The following PTGER2 variants were observed in gnomAD, a reference collection of about 807,000 sequenced individuals.
PTGER2 encodes prostaglandin E receptor 2, also known as prostaglandin E2 receptor EP2 subtype.
Under a neutral mutation model 26.2 loss-of-function variants are expected in PTGER2, and 22 were observed. That is an observed-to-expected ratio of 0.84 (90% CI 0.60 to 1.20). The LOEUF is 1.20. PTGER2 is among the 50% of genes most tolerant of loss of function. The pLI, the probability that PTGER2 is intolerant of heterozygous loss-of-function variation, is 0.00. For missense variants in PTGER2, 458 were observed against 475.2 expected (o/e 0.96, Z 0.34); for synonymous variants, 219 against 208.9 (o/e 1.05, Z -0.42).
chr14:52,315,663 A>G (rs2033833778), intron 1 of PTGER2, among the ~76,000 whole-genome samples: 2 of 151,542 alleles, frequency 1.3e-5, no homozygotes, highest in African/African-American at 2.4e-5. Flanking sequence ...AAGCTAGCCA[A>G]TCTCCTCATC....
rs2033974103 is a variant in PTGER2, at chr14:52,328,431, TTA to T, written c.*981_*982del. On this transcript the variant is annotated 3_prime_UTR_variant, in exon 2 of 2. Transcript: ENST00000245457. ...TTTAGGGAACATGGTTTGACTCATC[TTA>T]TATGGGAAACCATGTAGCAGTGAGT... 2 of 152,670 alleles carry T rather than the reference TTA, an allele frequency of 1.3e-5. No individual in the cohort carries two copies. Among genetic ancestry groups the T allele is most frequent in the Admixed American group, 1.3e-4 (2 of 15,290 alleles). 9.5% of individuals were successfully genotyped at this position (152,670 alleles called of 1,614,324 possible).
Position 52,314,621 on chromosome 14 carries a change from C to G in PTGER2, c.73C>G (p.Pro25Ala). The change falls in exon 1 of 2, where the codon CCA (proline) becomes GCA (alanine). Residue 25 changes from proline (P) to alanine (A), a missense_variant. Coordinates refer to ENST00000245457, the MANE Select transcript of PTGER2 (RefSeq NM_000956.4). This position sits in a 1 kb window ranked among gnomAD's most constrained non-coding sequence, Gnocchi z 5.7. ...ACAGTGGCTTCCCCCAGGCGAAAGC[C>G]CAGCCATCAGCTCCGTCATGTTCTC... Reference protein sequence around the residue: ...TRQWLPPGESPAISSVMFSAG... With the variant: ...TRQWLPPGESAAISSVMFSAG... 6.6e-7 allele frequency: 1 copy of G among 1,511,218 alleles called. No homozygotes were observed. The highest frequency in any genetic ancestry group is 8.9e-7 in the Non-Finnish European group (1 of 1,129,454). The allele number at this position is 1,511,218 out of a possible 1,614,324, so 93.6% of individuals were successfully genotyped here.
chr14:52,325,937 C>T (rs991660822), intron 1 of PTGER2, among the ~76,000 whole-genome samples: 2 of 152,212 alleles, frequency 1.3e-5, no homozygotes, highest in African/African-American at 4.8e-5. Flanking sequence ...GCTGCTCCTT[C>T]TTCTGCAGAA....
intron 1 of PTGER2, among the ~76,000 whole-genome samples, chr14:52,325,115 G>C (rs1026729335): frequency 3.9e-5 from 6 of 151,924 alleles, no homozygotes; most frequent in African/African-American, 1.5e-4. Context: ...CTCTATCCTG[G>C]GCGACAGAGT....
intron 1 of PTGER2, among the ~76,000 whole-genome samples, chr14:52,318,044 T>C (rs2140035742): frequency 6.6e-6 from 1 of 152,348 alleles, no homozygotes; most frequent in South Asian, 2.1e-4. Context: ...AAATTCAAGC[T>C]CATGGCTACT....
Position 52,314,987 on chromosome 14 carries a change from C to G in PTGER2, c.439C>G (p.Arg147Gly). 1 of 1,613,434 alleles carries G rather than the reference C, an allele frequency of 6.2e-7. No individual in the cohort carries two copies. The highest frequency in any genetic ancestry group is 1.6e-4 in the Middle Eastern group (1 of 6,062). ...CGGGCACCCCTACTTCTACCAGCGC[C>G]GCGTCTCGCGCTCCGGGGGCCTGGC... ...SIGHPYFYQR[R>G]VSRSGGLAVL... is the part of the protein sequence containing the mutation. The change falls in exon 1 of 2, where the codon CGC becomes GGC. Residue 147 changes from arginine (R) to glycine (G), a missense_variant. Arg to Gly is a moderately radical substitution (Grantham distance 125, BLOSUM62 -2). Coordinates refer to ENST00000245457, the MANE Select transcript of PTGER2 (RefSeq NM_000956.4). The surrounding 1 kb of genome is among the most constrained non-coding windows in gnomAD (Gnocchi z 5.7).
intron 1 of PTGER2, among the ~76,000 whole-genome samples, chr14:52,326,755 G>A (rs987879200): frequency 3.9e-5 from 6 of 152,176 alleles, no homozygotes; most frequent in African/African-American, 1.4e-4. Context: ...TTCCCTATCT[G>A]TTAAAAAGAG....
Position 52,315,388 on chromosome 14 carries a change from C to T in PTGER2, c.840C>T (p.Phe280=), listed in dbSNP as rs537524359. 6.2e-7 allele frequency: 1 copy of T among 1,612,516 alleles called. No individual in the cohort carries two copies. Among genetic ancestry groups the T allele is most frequent in the East Asian group, 2.2e-5 (1 of 44,838 alleles). Residue 280 remains phenylalanine, a synonymous_variant, in exon 1 of 2, where the codon TTC becomes TTT. Transcript: ENST00000245457. ...TITFAVCSLP[F]TIFAYMNETS... ...CCTTCGCCGTCTGCTCCTTGCCTTTCACGGTAAGTCACTCCCTACGTTTCC... is the reference window on the plus strand; with the variant it reads ...CCTTCGCCGTCTGCTCCTTGCCTTTTACGGTAAGTCACTCCCTACGTTTCC...
At chr14:52,324,520 A>G (rs1298601443) in intron 1 of PTGER2, among the ~76,000 whole-genome samples, 1 of 152,218 alleles carries the variant, frequency 6.6e-6, no homozygotes, top group African/African-American at 2.4e-5. Flanking sequence ...TATCTCTACA[A>G]ATTAGCTAGC....
intron 1 of PTGER2, among the ~76,000 whole-genome samples, chr14:52,325,433 T>TC (rs2033940414): frequency 6.6e-6 from 1 of 152,228 alleles, no homozygotes; most frequent in African/African-American, 2.4e-5. Flanking sequence ...TGTGAATATG[T>TC]TCTCTGGTTA....
chr14:52,318,175 T>C (rs538506725), intron 1 of PTGER2, among the ~76,000 whole-genome samples: 1 of 152,328 alleles, frequency 6.6e-6, no homozygotes, highest in African/African-American at 2.4e-5. Flanking sequence ...AGAAGTGGCC[T>C]ATACCAATCT....
intron 1 of PTGER2, among the ~76,000 whole-genome samples, chr14:52,320,210 T>A (rs2033881228): frequency 6.6e-6 from 1 of 152,222 alleles, no homozygotes; most frequent in African/African-American, 2.4e-5. Context: ...TTAATACACA[T>A]GATGTTTTAA....
At chr14:52,326,255 T>G (rs989854305) in intron 1 of PTGER2, among the ~76,000 whole-genome samples, 2 of 152,200 alleles carry the variant, frequency 1.3e-5, no homozygotes, top group African/African-American at 4.8e-5. Flanking sequence ...TTTGCTCTAA[T>G]ACAGGCCTGC....
chr14:52,322,216 G>A (rs2033903502), intron 1 of PTGER2, among the ~76,000 whole-genome samples: 1 of 152,148 alleles, frequency 6.6e-6, no homozygotes, highest in Admixed American at 6.5e-5. Context: ...CGCTGGGGGT[G>A]ACATCACATA....
In PTGER2 at chr14:52,326,417, C is replaced by A. The variant is rs545351085; in HGVS notation, c.844-804C>A. 2.0e-5 allele frequency among the ~76,000 whole-genome samples: 3 copies of A among 152,296 alleles called. No homozygotes were observed. In the South Asian group the frequency reaches 6.2e-4, roughly 32 times the overall value. ...GTAAAATGGATATAATAACAATGAA[C>A]ACTGTGGAGCACTTAGGATGTGAGC... On this transcript the variant is annotated intron_variant, in intron 1 of 1. Coordinates refer to ENST00000245457, the MANE Select transcript of PTGER2 (RefSeq NM_000956.4).
chr14:52,315,024 T>C lies in PTGER2; in HGVS notation c.476T>C (p.Val159Ala). The C allele has an allele frequency of 1.2e-6, 2 of 1,613,384 alleles. No homozygotes were observed. The highest frequency in any genetic ancestry group is 8.5e-7 in the Non-Finnish European group (1 of 1,180,004). Residue 159 changes from valine to alanine, a missense_variant, in exon 1 of 2, where the codon GTC (valine) becomes GCC (alanine). By Grantham distance (64) the Val-to-Ala change is moderately conservative. Transcript: ENST00000245457. ...SRSGGLAVLP[V>A]IYAVSLLFCS... is the part of the protein sequence containing the mutation. ...TCCGGGGGCCTGGCCGTGCTGCCTG[T>C]CATCTATGCAGTCTCCCTGCTCTTC...
chr14:52,326,878 T>G (rs1392848355), intron 1 of PTGER2, among the ~76,000 whole-genome samples: 5 of 152,198 alleles, frequency 3.3e-5, no homozygotes, highest in African/African-American at 1.2e-4. Context: ...CTACTAATAT[T>G]ATCATTATTA....
chr14:52,317,435 G>A (rs917761160), intron 1 of PTGER2, among the ~76,000 whole-genome samples: 2 of 152,126 alleles, frequency 1.3e-5, no homozygotes, highest in Admixed American at 1.3e-4. Flanking sequence ...GAATTCCATC[G>A]TTGCCTTATG....
At chr14:52,324,813 G>A (rs2140039922) in intron 1 of PTGER2, among the ~76,000 whole-genome samples, 1 of 152,126 alleles carries the variant, frequency 6.6e-6, no homozygotes, top group East Asian at 1.9e-4. Context: ...GAATTTCGAG[G>A]GTCACTGAAG....
Sources: allele counts gnomAD v4.1 joint callset (sites outside exome capture counted in the v4.1 genomes callset), GRCh38; gene constraint gnomAD v4.1.1; non-coding constraint Gnocchi (gnomAD v3.1); transcripts MANE v1.5; gene names NCBI Gene and HGNC (gene_info 2026-07-23, HGNC 2026-07-21).